Variants in SPIN1 observed in about 807,000 individuals in gnomAD.
SPIN1 encodes the protein spindlin 1, also known as spindlin-1.
Under a neutral mutation model 26.0 loss-of-function variants are expected in SPIN1, and 3 were observed. That is an observed-to-expected ratio of 0.12 (90% CI 0.05 to 0.30). The LOEUF is 0.30. Ranked by LOEUF, SPIN1 falls within the 10% of genes least tolerant of loss-of-function variation. SPIN1 has a pLI of 1.00. For missense variants in SPIN1, 126 were observed against 333.4 expected (o/e 0.38, Z 4.84); for synonymous variants, 101 against 116.5 (o/e 0.87, Z 0.86).
chr9:88,433,731 T>A (rs895403837), intron 2 of SPIN1, among the ~76,000 whole-genome samples: 8 of 152,190 alleles, frequency 5.3e-5, no homozygotes, highest in Admixed American at 3.9e-4. Flanking sequence ...GACAAGACTG[T>A]CTGTCATACC....
At position 88,437,880 on chromosome 9, in the gene SPIN1, C is replaced by T. The variant is rs147397685; in HGVS notation, c.53-11061C>T. 6.8e-3 allele frequency among the ~76,000 whole-genome samples: 1,030 copies of T among 152,052 alleles called. 13 individuals carry two copies. The highest frequency in any genetic ancestry group is 0.024 in the African/African-American group (980 of 41,490). On this transcript the variant is annotated intron_variant, in intron 2 of 5. Coordinates refer to ENST00000375859, the MANE Select transcript of SPIN1 (RefSeq NM_006717.3). ...TTATTGACTTTAGATCTTTCTTTAT[C>T]TGGGCGTGGTGGCTCAAGCCTGCAA...
At chr9:88,403,478 G>A (rs1454429900) in intron 1 of SPIN1, among the ~76,000 whole-genome samples, 2 of 152,172 alleles carry the variant, frequency 1.3e-5, no homozygotes, top group Admixed American at 6.6e-5. Flanking sequence ...GGAGGCTTGA[G>A]GTGGGAGGAT....
chr9:88,436,275 A>G (rs969242634), intron 2 of SPIN1, among the ~76,000 whole-genome samples: 2 of 152,206 alleles, frequency 1.3e-5, no homozygotes, highest in Non-Finnish European at 2.9e-5. Context: ...ATTTTAGACT[A>G]ACAGTTTTTA....
intron 4 of SPIN1, among the ~76,000 whole-genome samples, chr9:88,467,067 T>TTTAAAGATAATTGTTTAAA (rs1259562493): frequency 6.6e-6 from 1 of 151,986 alleles, no homozygotes; most frequent in Non-Finnish European, 1.5e-5. Context: ...TTGTTTGTTT[T>TTTAAAGATAATTGTTTAAA]TTAAAGATAA....
intron 1 of SPIN1, among the ~76,000 whole-genome samples, chr9:88,398,324 T>TA (rs1459531908): frequency 6.6e-6 from 1 of 152,092 alleles, no homozygotes. Flanking sequence ...TACAATGTTA[T>TA]ATTAGTTTAT....
intron 3 of SPIN1, among the ~76,000 whole-genome samples, chr9:88,461,048 G>T (rs913283230): frequency 1.3e-5 from 2 of 152,160 alleles, no homozygotes; most frequent in African/African-American, 4.8e-5. Flanking sequence ...GTCCAACCAT[G>T]ATGCTTCCAG....
rs769644450 is a variant in SPIN1, at chr9:88,448,922, A to G, written c.53-19A>G. 70 of 1,612,474 alleles carry G rather than the reference A, an allele frequency of 4.3e-5. No homozygotes were observed. Among genetic ancestry groups the G allele is most frequent in the Non-Finnish European group, 5.5e-5 (65 of 1,179,228 alleles). ...CTTTTATCTGGTTTTCATTGACTAT[A>G]TACTCATCTCTCTTACAGGCCATGC... On this transcript the variant is annotated intron_variant, in intron 2 of 5. Coordinates refer to ENST00000375859, the MANE Select transcript of SPIN1 (RefSeq NM_006717.3).
At chr9:88,393,232 T>C (rs900497769) in intron 1 of SPIN1, among the ~76,000 whole-genome samples, 1 of 151,530 alleles carries the variant, frequency 6.6e-6, no homozygotes, top group Non-Finnish European at 1.5e-5. Flanking sequence ...AAAAGACTAG[T>C]AAGGCATCTT....
intron 3 of SPIN1, among the ~76,000 whole-genome samples, chr9:88,451,349 G>C (rs1828348299): frequency 6.6e-6 from 1 of 152,194 alleles, no homozygotes; most frequent in African/African-American, 2.4e-5. Flanking sequence ...GAAGGTGTTA[G>C]GAAGGTTCAA....
chr9:88,417,716 G>A (rs896304154), intron 1 of SPIN1, among the ~76,000 whole-genome samples: 1 of 151,996 alleles, frequency 6.6e-6, no homozygotes, highest in Non-Finnish European at 1.5e-5. Context: ...CAAGTGATCC[G>A]CTGGCTTTGG....
intron 2 of SPIN1, among the ~76,000 whole-genome samples, chr9:88,440,670 C>A (rs946672489): frequency 6.6e-6 from 1 of 151,804 alleles, no homozygotes; most frequent in Non-Finnish European, 1.5e-5. Flanking sequence ...CCTCCGCCAC[C>A]CGTGTTCAAG....
intron 3 of SPIN1, chr9:88,458,071 T>A: frequency 1.2e-6 from 1 of 827,678 alleles, no homozygotes; most frequent in Non-Finnish European, 1.5e-6. Context: ...CAGATTTTAA[T>A]AGAAAAATGA....
chr9:88,461,704 C>T (rs1828579425), intron 3 of SPIN1, among the ~76,000 whole-genome samples: 1 of 152,042 alleles, frequency 6.6e-6, no homozygotes, highest in Non-Finnish European at 1.5e-5. Context: ...TTGGTTTTGA[C>T]CTTCAGCTTG....
chr9:88,460,289 G>A (rs755527452), intron 3 of SPIN1, among the ~76,000 whole-genome samples: 13 of 151,926 alleles, frequency 8.6e-5, no homozygotes, highest in Non-Finnish European at 1.8e-4. Flanking sequence ...ACATGCTCCC[G>A]TGGTGTCTGT....
chr9:88,409,930 C>T (rs1309155663), intron 1 of SPIN1, among the ~76,000 whole-genome samples: 1 of 151,978 alleles, frequency 6.6e-6, no homozygotes, highest in African/African-American at 2.4e-5. Flanking sequence ...AGGATTCCAA[C>T]TCGAAGGGAG....
intron 2 of SPIN1, among the ~76,000 whole-genome samples, chr9:88,435,144 T>G (rs947748441): frequency 6.6e-6 from 1 of 152,050 alleles, no homozygotes. Context: ...GATCTTCAAT[T>G]CATGTATGAT....
chr9:88,392,395 A>T (rs533950734), intron 1 of SPIN1, among the ~76,000 whole-genome samples: 95 of 152,326 alleles, frequency 6.2e-4, no homozygotes, highest in African/African-American at 2.2e-3. Flanking sequence ...ACACATGCAT[A>T]TAATGAGGGA....
chr9:88,464,845 A>G (rs185363247), intron 4 of SPIN1, among the ~76,000 whole-genome samples: 6 of 152,330 alleles, frequency 3.9e-5, no homozygotes, highest in Admixed American at 3.9e-4. Flanking sequence ...TTGTTGAAAC[A>G]GATCTCCAGA....
chr9:88,439,030 C>A (rs1272861175), intron 2 of SPIN1, among the ~76,000 whole-genome samples: 2 of 152,152 alleles, frequency 1.3e-5, no homozygotes, highest in African/African-American at 4.8e-5. Context: ...GGACCCACTT[C>A]CTGGCCCCTC....
Sources: allele counts gnomAD v4.1 joint callset (sites outside exome capture counted in the v4.1 genomes callset), GRCh38; gene constraint gnomAD v4.1.1; transcripts MANE v1.5; gene names NCBI Gene and HGNC (gene_info 2026-07-23, HGNC 2026-07-21).